ITGB5: variants seen among roughly 807,000 people sequenced by gnomAD.
ITGB5 encodes integrin subunit beta 5.
In ITGB5, 38 loss-of-function variants were observed where a neutral mutation model predicts 84.8. The ratio of observed to expected loss-of-function variants is 0.45; its 90% CI spans 0.35 to 0.59. The LOEUF is 0.59. Ranked by LOEUF, ITGB5 falls within the 20% of genes least tolerant of loss-of-function variation. The pLI is 0.01. For missense variants in ITGB5, 905 were observed against 1,034.5 expected (o/e 0.87, Z 1.72); for synonymous variants, 393 against 414.4 (o/e 0.95, Z 0.63).
chr3:124,824,770 C>A (rs1308794698), intron 5 of ITGB5, among the ~76,000 whole-genome samples: 1 of 152,138 alleles, frequency 6.6e-6, no homozygotes, highest in Non-Finnish European at 1.5e-5. Flanking sequence ...TGGGTGGAAA[C>A]AAGCACACAA....
intron 12 of ITGB5, among the ~76,000 whole-genome samples, 196 bp downstream of exon 12, chr3:124,768,817 C>T (rs904544695): frequency 6.6e-6 from 1 of 152,200 alleles, no homozygotes; most frequent in African/African-American, 2.4e-5. Flanking sequence ...AGGAAACTGC[C>T]AAGCTGCTTT....
intron 1 of ITGB5, chr3:124,878,636 G>C (rs767667753): frequency 2.6e-5 from 4 of 152,082 alleles, no homozygotes; most frequent in Admixed American, 2.6e-4. Context: ...ACAGTGTGCC[G>C]GGTACCAGGT....
At position 124,866,324 on chromosome 3, in the gene ITGB5, T is replaced by C. The variant is rs577206164; in HGVS notation, c.157-6878A>G. ...CTAATCAAGGTCTCTTACCCTGCAG[T>C]CAAAGCTAGTGTTCAATGGGTGCTT... On this transcript the variant is annotated intron_variant, in intron 2 of 14. Coordinates refer to ENST00000296181, the MANE Select transcript of ITGB5 (RefSeq NM_002213.5). 2.6e-5 allele frequency among the ~76,000 whole-genome samples: 4 copies of C among 152,292 alleles called. No homozygotes were observed. The East Asian group carries it at 5.8e-4, about 22-fold the overall frequency.
chr3:124,814,798 C>A (rs565418520), intron 8 of ITGB5, among the ~76,000 whole-genome samples: 1 of 152,270 alleles, frequency 6.6e-6, no homozygotes, highest in African/African-American at 2.4e-5. Context: ...CATAAGTCAT[C>A]AGCTTCATTT....
At chr3:124,829,399 G>GCATC (rs2107575553) in intron 5 of ITGB5, among the ~76,000 whole-genome samples, 2 of 152,336 alleles carry the variant, frequency 1.3e-5, no homozygotes, top group East Asian at 3.9e-4. Flanking sequence ...ATGAAGCCAG[G>GCATC]CATCCGGTCA....
intron 11 of ITGB5, 76 bp downstream of exon 11, chr3:124,773,614 C>T: frequency 1.4e-6 from 2 of 1,403,002 alleles, no homozygotes; most frequent in Non-Finnish European, 2.0e-6. Context: ...GGCTAGCCGG[C>T]CCTGAGGGCT....
rs114462126 is a variant in ITGB5 at position 124,793,340 on chromosome 3, G to A, written c.1693+3048C>T. On this transcript the variant is annotated intron_variant, in intron 10 of 14. Transcript: ENST00000296181. ...GGGGAAGGAGGGATGGTTCTGTCAC[G>A]TTTGCTAATATCTCTTTAAAAGAAA... is the stretch of plus-strand genomic sequence containing the variant. Among the ~76,000 whole-genome samples the A allele has an allele frequency of 4.6e-3, 695 of 152,264 alleles. 8 individuals carry two copies. The highest frequency in any genetic ancestry group is 0.016 in the African/African-American group (649 of 41,552).
At chr3:124,867,790 G>C (rs1435909702) in intron 2 of ITGB5, among the ~76,000 whole-genome samples, 1 of 152,226 alleles carries the variant, frequency 6.6e-6, no homozygotes, top group Non-Finnish European at 1.5e-5. Context: ...AATTTACAAT[G>C]TTAGAGGGGA....
At chr3:124,831,125 G>A (rs896036536) in intron 5 of ITGB5, among the ~76,000 whole-genome samples, 1 of 152,118 alleles carries the variant, frequency 6.6e-6, no homozygotes, top group African/African-American at 2.4e-5. Flanking sequence ...GATATCTGAG[G>A]TCAGTTACCA....
chr3:124,828,181 C>A (rs1482822604), intron 5 of ITGB5, among the ~76,000 whole-genome samples: 1 of 152,220 alleles, frequency 6.6e-6, no homozygotes, highest in Admixed American at 6.5e-5. Context: ...AACCATCCCA[C>A]TCCTGGGTAC....
rs540739794 is a variant in ITGB5 at position 124,859,430 on chromosome 3, C to G, written c.173G>C (p.Arg58Pro). 1.2e-6 allele frequency: 2 copies of G among 1,613,666 alleles called. No individual in the cohort carries two copies. Among genetic ancestry groups the G allele is most frequent in the Non-Finnish European group, 1.7e-6 (2 of 1,179,922 alleles). ...WCSKEDFGSP[R>P]SITSRCDLRA... ...CAGATCACACCGAGAGGTGATGGAC[C>G]GTGGGCTTCCGAAGTCCTAGGCAGG... The change falls in exon 3 of 15, where the codon CGG becomes CCG. Residue 58 changes from arginine (R) to proline (P), a missense_variant. Physicochemically the swap from Arg to Pro is moderately radical, Grantham distance 103. Around this residue, in one of 3 missense-constraint regions of ITGB5, gnomAD observed 656 missense variants for 734.7 expected, o/e 0.89. Transcript: ENST00000296181.
At position 124,848,480 on chromosome 3, in the gene ITGB5, G is replaced by A; in HGVS notation, c.440C>T (p.Ser147Phe). 1 of 1,614,124 alleles carries A rather than the reference G, an allele frequency of 6.2e-7. No individual in the cohort carries two copies. Among genetic ancestry groups the A allele is most frequent in the Non-Finnish European group, 8.5e-7 (1 of 1,179,992 alleles). Residue 147 changes from serine (S) to phenylalanine (F), a missense_variant, in exon 4 of 15, where the codon TCC becomes TTC. Around this residue, in one of 3 missense-constraint regions of ITGB5, gnomAD observed 656 missense variants for 734.7 expected, o/e 0.89. Transcript: ENST00000296181. Reference protein sequence around the residue: ...PVDLYYLMDLSLSMKDDLDNI... With the variant: ...PVDLYYLMDLFLSMKDDLDNI... Reference sequence around the variant, plus strand: ...GTCCAAGTCATCCTTCATGGACAGGGAGAGGTCCATCAGGTAGTACAGGTC... The same window carrying A: ...GTCCAAGTCATCCTTCATGGACAGGAAGAGGTCCATCAGGTAGTACAGGTC...
chr3:124,791,959 T>A (rs1164778406), intron 10 of ITGB5: 2 of 152,216 alleles, frequency 1.3e-5, no homozygotes, highest in Non-Finnish European at 2.9e-5. Context: ...GCTGGTGCTA[T>A]AACGCTGTGA....
chr3:124,785,658 T>C (rs373562381), intron 10 of ITGB5, among the ~76,000 whole-genome samples: 18 of 151,298 alleles, frequency 1.2e-4, no homozygotes, highest in African/African-American at 4.4e-4. Context: ...AACAGCCAGA[T>C]ACCCACTGAA....
intron 3 of ITGB5, among the ~76,000 whole-genome samples, chr3:124,854,657 T>C (rs750244098): frequency 7.2e-5 from 11 of 152,192 alleles, no homozygotes; most frequent in Non-Finnish European, 1.5e-4. Context: ...GACTTCTTTT[T>C]GGAAAATGTT....
intron 3 of ITGB5, among the ~76,000 whole-genome samples, chr3:124,855,292 C>T (rs756837939): frequency 1.6e-4 from 24 of 152,028 alleles, no homozygotes; most frequent in Admixed American, 1.5e-3. Flanking sequence ...GGCGACAGAG[C>T]GAGACTCTGT....
intron 2 of ITGB5, among the ~76,000 whole-genome samples, chr3:124,867,942 C>T (rs1313149694): frequency 6.6e-6 from 1 of 152,190 alleles, no homozygotes; most frequent in African/African-American, 2.4e-5. Context: ...ATAATCCTCA[C>T]ATATCAAGGG....
intron 10 of ITGB5, chr3:124,790,989 A>C (rs983729793): frequency 3.4e-4 from 52 of 152,232 alleles, no homozygotes; most frequent in African/African-American, 1.1e-3. Flanking sequence ...CAGTGCAGTC[A>C]TTTTAAGTGT....
upstream of ITGB5, among the ~76,000 whole-genome samples, chr3:124,889,512 AC>A (rs1934948971): frequency 6.6e-6 from 1 of 152,300 alleles, no homozygotes; most frequent in East Asian, 1.9e-4. Flanking sequence ...CACATCCTTA[AC>A]CTTGGCAAAA....
Sources: gnomAD v4.1 joint callset for allele counts (sites outside exome capture counted in the v4.1 genomes callset) on GRCh38, gnomAD v4.1.1 for gene constraint, gnomAD v4.1.1 regional missense constraint, MANE v1.5 for transcripts, NCBI Gene and HGNC (gene_info 2026-07-23, HGNC 2026-07-21) for gene names.